The following MAGI3 variants were observed in gnomAD, a reference collection of about 807,000 sequenced individuals.
MAGI3 encodes the protein membrane-associated guanylate kinase, WW and PDZ domain-containing protein 3.
Under a neutral mutation model 121.8 loss-of-function variants are expected in MAGI3, and 43 were observed. That is an observed-to-expected ratio of 0.35 (90% CI 0.28 to 0.46). The LOEUF is 0.46. MAGI3 is among the 20% of genes least tolerant of loss of function. The probability of loss-of-function intolerance (pLI) is 1.00; values close to 1 mark genes in which losing one functional copy is unlikely to be tolerated. For missense variants in MAGI3, 1,547 were observed against 1,797.3 expected, an observed-to-expected ratio of 0.86 and a Z score of 2.52; for synonymous variants, 553 against 639.3, an observed-to-expected ratio of 0.86 and a Z score of 2.04.
chr1:113,626,575 A>G (rs982468301), intron 9 of MAGI3, among the ~76,000 whole-genome samples: 3 of 152,168 alleles, frequency 2.0e-5, no homozygotes, highest in East Asian at 1.9e-4. Context: ...CAGTAAAGCC[A>G]TCAGATCCTG....
intron 5 of MAGI3, among the ~76,000 whole-genome samples, chr1:113,592,776 G>T (rs1648763173): frequency 6.6e-6 from 1 of 152,120 alleles, no homozygotes; most frequent in Non-Finnish European, 1.5e-5. Flanking sequence ...ACTTTGGGAG[G>T]CCGAGGCAGG....
chr1:113,552,503 A>G (rs1053803820), intron 2 of MAGI3, among the ~76,000 whole-genome samples: 13 of 152,218 alleles, frequency 8.5e-5, no homozygotes, highest in Admixed American at 7.9e-4. Flanking sequence ...TTTTAGTTTC[A>G]TAGCTCTAGA....
At chr1:113,413,018 ATTTAAGTC>A (rs1217558648) in intron 1 of MAGI3, among the ~76,000 whole-genome samples, 1 of 152,126 alleles carries the variant, frequency 6.6e-6, no homozygotes, top group Non-Finnish European at 1.5e-5. Flanking sequence ...TAGGCCTAAC[ATTTAAGTC>A]TTTAATCCAT....
intron 20 of MAGI3, chr1:113,682,614 T>G: frequency 1.0e-6 from 1 of 983,934 alleles, no homozygotes; most frequent in South Asian, 4.7e-5. Flanking sequence ...TGGGCTTTAC[T>G]AATAGAGAAT....
intron 19 of MAGI3, among the ~76,000 whole-genome samples, chr1:113,678,050 C>T (rs1647984162): frequency 6.6e-6 from 1 of 151,836 alleles, no homozygotes; most frequent in Non-Finnish European, 1.5e-5. Flanking sequence ...TCCCCTCATT[C>T]AGTTTTAAAG....
intron 2 of MAGI3, among the ~76,000 whole-genome samples, chr1:113,570,116 C>T (rs1212319726): frequency 1.3e-5 from 2 of 152,098 alleles, no homozygotes; most frequent in East Asian, 3.9e-4. Context: ...TGTTCAACTC[C>T]CACTTATGAG....
rs112691387 is a variant in MAGI3 at position 113,444,123 on chromosome 1, A to G, written c.316+52774A>G. On this transcript the variant is annotated intron_variant, in intron 1 of 20. Coordinates refer to ENST00000307546, the MANE Select transcript of MAGI3 (RefSeq NM_001142782.2). Reference sequence around the variant, plus strand: ...GGTCAGTTACAGCTCTTCGCATGGTAGCAGCTACCCATCCACTACCCCAGC... The same window carrying G: ...GGTCAGTTACAGCTCTTCGCATGGTGGCAGCTACCCATCCACTACCCCAGC... Among the ~76,000 whole-genome samples the G allele has an allele frequency of 2.8e-3, 422 of 152,364 alleles. 3 individuals carry two copies. The highest frequency in any genetic ancestry group is 4.3e-3 in the Non-Finnish European group (292 of 68,034).
chr1:113,523,147 T>C (rs1304120398), intron 1 of MAGI3, among the ~76,000 whole-genome samples: 2 of 152,314 alleles, frequency 1.3e-5, no homozygotes, highest in East Asian at 3.9e-4. Flanking sequence ...AGACGTGCCT[T>C]TCACCTTCCG....
intron 19 of MAGI3, among the ~76,000 whole-genome samples, chr1:113,676,975 C>T (rs1428170981): frequency 6.6e-6 from 1 of 151,936 alleles, no homozygotes; most frequent in Non-Finnish European, 1.5e-5. Context: ...AGATCAGTTC[C>T]CAGGACTTAT....
chr1:113,618,692 G>A (rs1650636491), intron 7 of MAGI3: 1 of 297,244 alleles, frequency 3.4e-6, no homozygotes, highest in Non-Finnish European at 6.5e-6. Flanking sequence ...TTTTAGTAGA[G>A]ATGGGGTTTC....
intron 1 of MAGI3, among the ~76,000 whole-genome samples, chr1:113,447,854 CAAAAA>C (rs141135630): frequency 2.8e-5 from 4 of 144,598 alleles, no homozygotes; most frequent in Non-Finnish European, 6.1e-5. Flanking sequence ...GACTGTGTCT[CAAAAA>C]AAAAAAATTG....
intron 9 of MAGI3, among the ~76,000 whole-genome samples, chr1:113,625,302 G>T (rs1651163917): frequency 3.9e-5 from 6 of 152,122 alleles, no homozygotes. Context: ...GGGTAGTATT[G>T]AAAAGAATAT....
At chr1:113,595,081 T>A (rs1017561149) in intron 6 of MAGI3, among the ~76,000 whole-genome samples, 1 of 152,160 alleles carries the variant, frequency 6.6e-6, no homozygotes, top group Non-Finnish European at 1.5e-5. Flanking sequence ...AAAAATTATT[T>A]CTCTAAGAAT....
At chr1:113,629,664 G>A (rs1412097202) in intron 9 of MAGI3, among the ~76,000 whole-genome samples, 1 of 150,930 alleles carries the variant, frequency 6.6e-6, no homozygotes, top group African/African-American at 2.4e-5. Context: ...AGAATTATCT[G>A]GATTAATAGG....
intron 1 of MAGI3, among the ~76,000 whole-genome samples, chr1:113,530,297 C>T (rs1436674034): frequency 6.7e-6 from 1 of 149,194 alleles, no homozygotes; most frequent in Non-Finnish European, 1.5e-5. Flanking sequence ...GTCTGATTAG[C>T]TCATCTAAAA....
chr1:113,548,554 GA>G (rs1320658761), intron 1 of MAGI3, among the ~76,000 whole-genome samples: 5 of 152,360 alleles, frequency 3.3e-5, no homozygotes, highest in African/African-American at 1.2e-4. Flanking sequence ...TCGAAGATCA[GA>G]AAGATGGCCA....
intron 1 of MAGI3, among the ~76,000 whole-genome samples, chr1:113,420,220 T>TG (rs1248753855): frequency 2.6e-5 from 4 of 152,136 alleles, no homozygotes; most frequent in Non-Finnish European, 5.9e-5. Flanking sequence ...CTATAAACAT[T>TG]GGTGGGTCTA....
intron 1 of MAGI3, among the ~76,000 whole-genome samples, chr1:113,462,362 A>G (rs1655077929): frequency 6.6e-6 from 1 of 152,206 alleles, no homozygotes; most frequent in African/African-American, 2.4e-5. Flanking sequence ...CCTAAATACC[A>G]TGGAATACTA....
chr1:113,605,936 G>A (rs1329607351), intron 6 of MAGI3, among the ~76,000 whole-genome samples: 2 of 151,196 alleles, frequency 1.3e-5, no homozygotes, highest in Non-Finnish European at 2.9e-5. Flanking sequence ...CTTAAGAGTT[G>A]TGCATTTTAT....
Sources: allele counts gnomAD v4.1 joint callset (sites outside exome capture counted in the v4.1 genomes callset), GRCh38; gene constraint gnomAD v4.1.1; transcripts MANE v1.5; gene names NCBI Gene and HGNC (gene_info 2026-07-23, HGNC 2026-07-21).